The following WWOX variants were observed in gnomAD, a reference collection of about 807,000 sequenced individuals.
The protein encoded by WWOX is WW domain-containing oxidoreductase.
A neutral mutation model predicts 46.2 loss-of-function variants in WWOX; 69 were observed. That is an observed-to-expected ratio of 1.49 (90% CI 1.23 to 1.82). The LOEUF (loss-of-function observed/expected upper bound fraction) is 1.82. Among genes scored for constraint, WWOX ranks in the 40% most tolerant of loss-of-function variants. The pLI, the probability that WWOX is intolerant of heterozygous loss-of-function variation, is 0.00. For missense variants in WWOX, 919 were observed against 542.6 expected (o/e 1.69, Z -6.89); for synonymous variants, 359 against 202.6 (o/e 1.77, Z -6.56).
intron 5 of WWOX, among the ~76,000 whole-genome samples, chr16:78,354,997 TG>T (rs1476434826): frequency 2.6e-5 from 4 of 151,996 alleles, no homozygotes; most frequent in Non-Finnish European, 4.4e-5. Flanking sequence ...CCGGGAGTGG[TG>T]GTGCATGTCT....
At chr16:78,795,435 T>C (rs1438288442) in intron 8 of WWOX, among the ~76,000 whole-genome samples, 1 of 152,164 alleles carries the variant, frequency 6.6e-6, no homozygotes, top group Non-Finnish European at 1.5e-5. Context: ...AGGCTACCCA[T>C]GGACTACAAC....
At chr16:78,843,650 G>A (rs988034859) in intron 8 of WWOX, among the ~76,000 whole-genome samples, 1 of 132,656 alleles carries the variant, frequency 7.5e-6, no homozygotes, top group East Asian at 2.1e-4. Context: ...CACACTCATC[G>A]AGGAGCAAAA....
chr16:78,753,737 G>A (rs961825700), intron 8 of WWOX, among the ~76,000 whole-genome samples: 1 of 144,394 alleles, frequency 6.9e-6, no homozygotes, highest in Admixed American at 7.1e-5. Flanking sequence ...GGGAAGTCAA[G>A]GCTGTAGTGA....
chr16:79,025,127 T>TTGGTA (rs1555513655), intron 8 of WWOX, among the ~76,000 whole-genome samples: 4 of 151,602 alleles, frequency 2.6e-5, no homozygotes, highest in Non-Finnish European at 5.9e-5. Flanking sequence ...TTGTTTTGTT[T>TTGGTA]TGTTTTGTTT....
At chr16:78,334,809 C>T (rs1399535100) in intron 5 of WWOX, among the ~76,000 whole-genome samples, 1 of 68,656 alleles carries the variant, frequency 1.5e-5, no homozygotes, top group East Asian at 2.5e-4. Flanking sequence ...CACACACACG[C>T]ACACACACAC....
intron 8 of WWOX, among the ~76,000 whole-genome samples, chr16:78,741,475 A>G (rs992522415): frequency 3.3e-5 from 5 of 151,192 alleles, no homozygotes; most frequent in Non-Finnish European, 7.4e-5. Flanking sequence ...CAGGAGAATC[A>G]CTTGAACCTG....
chr16:78,174,779 A>G (rs8051687), intron 5 of WWOX, among the ~76,000 whole-genome samples: 126,167 of 152,044 alleles, frequency 0.83, 52,555 homozygotes, highest in East Asian at 0.98. Flanking sequence ...CCTGAGCTCA[A>G]AAGCTGGCGA....
At chr16:78,674,051 G>A (rs1416840952) in intron 8 of WWOX, among the ~76,000 whole-genome samples, 3 of 152,012 alleles carry the variant, frequency 2.0e-5, no homozygotes, top group Non-Finnish European at 4.4e-5. Context: ...GATTCTCGAT[G>A]GGAACCGACT....
chr16:78,320,813 A>G (rs1247187330), intron 5 of WWOX, among the ~76,000 whole-genome samples: 1 of 152,218 alleles, frequency 6.6e-6, no homozygotes, highest in Admixed American at 6.5e-5. Context: ...AAACTTTGAC[A>G]TCATCTCATC....
intron 6 of WWOX, among the ~76,000 whole-genome samples, chr16:78,409,991 C>A (rs2082639489): frequency 6.6e-6 from 1 of 152,158 alleles, no homozygotes; most frequent in African/African-American, 2.4e-5. Flanking sequence ...GAAACATAAT[C>A]CCTAGTGTTG....
chr16:78,850,064 T>G (rs1432400412), intron 8 of WWOX, among the ~76,000 whole-genome samples: 1 of 151,098 alleles, frequency 6.6e-6, no homozygotes, highest in Non-Finnish European at 1.5e-5. Context: ...AAGAGCGAAA[T>G]TCCTTCTTAA....
At chr16:78,696,728 T>C (rs192009779) in intron 8 of WWOX, among the ~76,000 whole-genome samples, 1 of 152,324 alleles carries the variant, frequency 6.6e-6, no homozygotes, top group East Asian at 1.9e-4. Context: ...GTAAGTTCTT[T>C]ACTGGTGATT....
intron 8 of WWOX, among the ~76,000 whole-genome samples, chr16:78,509,107 G>A (rs546283374): frequency 5.3e-5 from 8 of 152,310 alleles, no homozygotes; most frequent in African/African-American, 1.9e-4. Context: ...CTCCCTTCGT[G>A]TAGAACAGGA....
At chr16:78,372,457 G>C (rs2081714924) in intron 5 of WWOX, among the ~76,000 whole-genome samples, 1 of 152,172 alleles carries the variant, frequency 6.6e-6, no homozygotes, top group Admixed American at 6.5e-5. Flanking sequence ...GAAACATGTT[G>C]CTCCATGACA....
At chr16:78,575,977 A>G (rs2044869259) in intron 8 of WWOX, among the ~76,000 whole-genome samples, 1 of 151,722 alleles carries the variant, frequency 6.6e-6, no homozygotes, top group Non-Finnish European at 1.5e-5. Flanking sequence ...ACACAAAATT[A>G]TTTTTTTCAT....
intron 1 of WWOX, 151 bp downstream of exon 1, chr16:78,100,036 G>T (rs936975656): frequency 9.0e-6 from 13 of 1,439,768 alleles, no homozygotes; most frequent in Non-Finnish European, 1.2e-5. Flanking sequence ...AGGGTCCAGG[G>T]TTCCCAGTAG....
At chr16:78,574,508 G>T (rs2044799364) in intron 8 of WWOX, among the ~76,000 whole-genome samples, 1 of 151,892 alleles carries the variant, frequency 6.6e-6, no homozygotes, top group South Asian at 2.1e-4. Context: ...CTTCCTGAAA[G>T]CAACAAGAAG....
At chr16:78,253,983 AC>A (rs2038054090) in intron 5 of WWOX, among the ~76,000 whole-genome samples, 1 of 152,142 alleles carries the variant, frequency 6.6e-6, no homozygotes, top group Admixed American at 6.5e-5. Flanking sequence ...ATAGCTGCTT[AC>A]TCAGAAAATC....
intron 8 of WWOX, among the ~76,000 whole-genome samples, chr16:78,778,342 G>A (rs541435331): frequency 2.0e-5 from 3 of 152,286 alleles, no homozygotes; most frequent in South Asian, 4.1e-4. Flanking sequence ...CAGGTTTCAC[G>A]TAACTGATTT....
Sources: allele counts gnomAD v4.1 joint callset (sites outside exome capture counted in the v4.1 genomes callset), GRCh38; gene constraint gnomAD v4.1.1; transcripts MANE v1.5; gene names NCBI Gene and HGNC (gene_info 2026-07-23, HGNC 2026-07-21).